The following COBLL1 variants were observed in gnomAD, a reference collection of about 807,000 sequenced individuals.
The protein encoded by COBLL1 is cordon-bleu protein-like 1.
Under a neutral mutation model 94.8 loss-of-function variants are expected in COBLL1, and 50 were observed. The ratio of observed to expected loss-of-function variants is 0.53; its 90% CI spans 0.42 to 0.67. The LOEUF is 0.67. Ranked by LOEUF, COBLL1 falls within the 30% of genes least tolerant of loss-of-function variation. The pLI is 0.00. For missense variants in COBLL1, 1,362 were observed against 1,348.7 expected (o/e 1.01, Z -0.15); for synonymous variants, 448 against 473.8 (o/e 0.95, Z 0.71).
intron 3 of COBLL1, among the ~76,000 whole-genome samples, chr2:164,732,972 G>C (rs370011523): frequency 6.6e-6 from 1 of 152,100 alleles, no homozygotes; most frequent in Non-Finnish European, 1.5e-5. Context: ...GGAGAATAGC[G>C]TGAACCTGGG....
chr2:164,703,340 A>G, intron 9 of COBLL1: 2 of 664,058 alleles, frequency 3.0e-6, no homozygotes, highest in East Asian at 2.7e-5. Context: ...CATGCATTAA[A>G]TAAGAAGAGG....
Position 164,835,793 on chromosome 2 carries a change from C to A in COBLL1, c.41+5363G>T, listed in dbSNP as rs145763056. Among the ~76,000 whole-genome samples, 787 of 152,208 alleles carry A rather than the reference C, an allele frequency of 5.2e-3. 2 individuals are homozygous for A. Among genetic ancestry groups the A allele is most frequent in the South Asian group, 0.014 (66 of 4,822 alleles). On this transcript the variant is annotated intron_variant, in intron 2 of 13. Coordinates refer to ENST00000652658, the MANE Select transcript of COBLL1 (RefSeq NM_001365672.2). ...TAAGCATAGACATAATGTTTTAAGC[C>A]AGTAACAAAGTACCATTTATACACT...
rs928718819 is a variant in COBLL1 at position 164,722,185 on chromosome 2, G to A, written c.886C>T (p.Pro296Ser). The change falls in exon 7 of 14, where the codon CCA (proline) becomes TCA (serine). Residue 296 changes from proline (P) to serine (S), a missense_variant. Pro to Ser is a moderately conservative substitution (Grantham distance 74). Coordinates refer to ENST00000652658, the MANE Select transcript of COBLL1 (RefSeq NM_001365672.2). Reference protein sequence around the residue: ...PSDAPKKRRAPLPPMPASQSV... With the variant: ...PSDAPKKRRASLPPMPASQSV... ...TGAGATGCTGGCATCGGGGGCAGTG[G>A]AGCCCGCCTCTTCTTGGGTGCATCC... 1.1e-5 allele frequency: 17 copies of A among 1,614,110 alleles called. No homozygotes were observed. The highest frequency in any genetic ancestry group is 1.4e-5 in the Non-Finnish European group (17 of 1,179,996).
chr2:164,724,743 G>C (rs1406177745), intron 5 of COBLL1: 4 of 151,894 alleles, frequency 2.6e-5, no homozygotes. Flanking sequence ...TAAAATACCT[G>C]TCTAAGAAAA....
At chr2:164,753,884 G>A (rs1261276226) in intron 2 of COBLL1, among the ~76,000 whole-genome samples, 5 of 151,972 alleles carry the variant, frequency 3.3e-5, no homozygotes, top group African/African-American at 9.7e-5. Flanking sequence ...TGGAAGTATA[G>A]GCATTCATTA....
intron 2 of COBLL1, among the ~76,000 whole-genome samples, chr2:164,838,923 C>T (rs1320476876): frequency 6.6e-6 from 1 of 152,060 alleles, no homozygotes; most frequent in Non-Finnish European, 1.5e-5. Flanking sequence ...TATTTTTCCC[C>T]CAGTTTAAAC....
intron 13 of COBLL1, 131 bp downstream of exon 13, chr2:164,692,090 C>T (rs1683631893): frequency 1.3e-6 from 1 of 761,958 alleles, no homozygotes; most frequent in Non-Finnish European, 2.0e-6. Flanking sequence ...TCAGCTTATA[C>T]TTCAAAGACA....
At chr2:164,720,698 G>C (rs1685400206) in intron 7 of COBLL1, among the ~76,000 whole-genome samples, 1 of 152,140 alleles carries the variant, frequency 6.6e-6, no homozygotes, top group African/African-American at 2.4e-5. Flanking sequence ...TTCAGTCTCT[G>C]TTTCTTGCTC....
chr2:164,741,360 A>G (rs1022893392), intron 3 of COBLL1, among the ~76,000 whole-genome samples: 8 of 152,096 alleles, frequency 5.3e-5, no homozygotes, highest in Admixed American at 4.6e-4. Flanking sequence ...AAAATAAGGT[A>G]TCCCAATCTC....
At chr2:164,718,762 G>GTCC (rs1685302117) in intron 7 of COBLL1, among the ~76,000 whole-genome samples, 1 of 152,156 alleles carries the variant, frequency 6.6e-6, no homozygotes, top group Non-Finnish European at 1.5e-5. Flanking sequence ...CCATGAATCT[G>GTCC]ATAAAAGAAT....
intron 2 of COBLL1, among the ~76,000 whole-genome samples, chr2:164,794,086 T>C (rs1559022463): frequency 6.6e-6 from 1 of 152,120 alleles, no homozygotes; most frequent in East Asian, 1.9e-4. Flanking sequence ...CAGAGTAAAT[T>C]TGAAGGAAGT....
chr2:164,824,630 T>C (rs1317222560), intron 2 of COBLL1, among the ~76,000 whole-genome samples: 2 of 152,212 alleles, frequency 1.3e-5, no homozygotes, highest in African/African-American at 2.4e-5. Flanking sequence ...CCCAAAGTTA[T>C]GTGACCATGG....
chr2:164,818,769 C>CAT (rs752386836), intron 2 of COBLL1, among the ~76,000 whole-genome samples: 3,248 of 139,446 alleles, frequency 0.023, 56 homozygotes, highest in South Asian at 0.031. Context: ...CTTATGTAAA[C>CAT]ATATATATAT....
intron 2 of COBLL1, among the ~76,000 whole-genome samples, chr2:164,835,056 A>G (rs553085690): frequency 2.9e-4 from 42 of 145,506 alleles, no homozygotes; most frequent in African/African-American, 1.0e-3. Context: ...TGGTACAACC[A>G]CTGTAAAAAA....
chr2:164,687,753 A>C, intron 13 of COBLL1: 2 of 573,796 alleles, frequency 3.5e-6, no homozygotes, highest in South Asian at 2.1e-5. Context: ...AAGGAAAGGA[A>C]CTCAGTACAC....
intron 13 of COBLL1, among the ~76,000 whole-genome samples, chr2:164,689,939 T>C (rs1340359137): frequency 2.0e-5 from 3 of 152,182 alleles, no homozygotes; most frequent in African/African-American, 4.8e-5. Flanking sequence ...CTAAATAATG[T>C]AAATTAGTTT....
intron 2 of COBLL1, among the ~76,000 whole-genome samples, chr2:164,752,147 T>C (rs1054262098): frequency 1.2e-4 from 18 of 152,314 alleles, no homozygotes; most frequent in African/African-American, 4.3e-4. Flanking sequence ...TTCTATCCAG[T>C]ATCAACAGCA....
chr2:164,713,255 GTC>G (rs1314317100), intron 7 of COBLL1, among the ~76,000 whole-genome samples: 8 of 152,048 alleles, frequency 5.3e-5, no homozygotes, highest in African/African-American at 1.9e-4. Flanking sequence ...ATTAAGAAAA[GTC>G]ATATAACATC....
Position 164,705,026 on chromosome 2 carries a change from C to A in COBLL1, c.1076G>T (p.Arg359Met). ...SMSAGNSSLRRTKRKAPSPPS... is the reference protein window; with the variant it reads ...SMSAGNSSLRMTKRKAPSPPS... ...TGGGGAAGGTGCTTTTCGCTTTGTC[C>A]TTCTCAAAGATGAATTCCCTGCAGA... Residue 359 changes from arginine to methionine, a missense_variant, in exon 8 of 14, where the codon AGG (arginine) becomes ATG (methionine). By Grantham distance (91) the Arg-to-Met change is moderately conservative. Coordinates refer to ENST00000652658, the MANE Select transcript of COBLL1 (RefSeq NM_001365672.2). 1 of 1,604,132 alleles carries A rather than the reference C, an allele frequency of 6.2e-7. No individual in the cohort carries two copies. The highest frequency in any genetic ancestry group is 1.1e-5 in the South Asian group (1 of 89,254).
Sources: allele counts gnomAD v4.1 joint callset (sites outside exome capture counted in the v4.1 genomes callset), GRCh38; gene constraint gnomAD v4.1.1; transcripts MANE v1.5; gene names NCBI Gene and HGNC (gene_info 2026-07-23, HGNC 2026-07-21).